The following GPC5 variants were observed in gnomAD, a reference collection of about 807,000 sequenced individuals.
GPC5 encodes the protein glypican-5.
GPC5 carries 47 observed loss-of-function variants against 53.9 expected under a neutral mutation model. The ratio of observed to expected loss-of-function variants is 0.87; its 90% CI spans 0.69 to 1.11. The LOEUF is 1.11. Ranked by LOEUF, GPC5 falls within the 50% of genes most tolerant of loss-of-function variation. GPC5 has a pLI of 0.00. For synonymous variants in GPC5, 286 were observed against 263.3 expected (o/e 1.09, Z -0.84); for missense variants, 748 against 713.1 (o/e 1.05, Z -0.56).
intron 7 of GPC5, among the ~76,000 whole-genome samples, chr13:92,601,713 G>A (rs908835165): frequency 6.6e-5 from 10 of 151,978 alleles, no homozygotes; most frequent in Middle Eastern, 3.4e-3. Flanking sequence ...TTATATGAAT[G>A]TATTAATATG....
At chr13:92,392,861 A>G (rs571525538) in intron 7 of GPC5, among the ~76,000 whole-genome samples, 1 of 152,344 alleles carries the variant, frequency 6.6e-6, no homozygotes, top group African/African-American at 2.4e-5. Context: ...GCCATCTCAC[A>G]CCAGTCAGAA....
intron 7 of GPC5, among the ~76,000 whole-genome samples, chr13:92,168,897 G>T (rs965714777): frequency 1.6e-4 from 24 of 152,108 alleles, no homozygotes; most frequent in African/African-American, 5.1e-4. Flanking sequence ...GTTCATTGCA[G>T]CACTATTCAC....
chr13:91,543,924 T>C (rs1288034614), intron 2 of GPC5, among the ~76,000 whole-genome samples: 3 of 152,184 alleles, frequency 2.0e-5, no homozygotes, highest in African/African-American at 7.2e-5. Context: ...AATTATAAAA[T>C]ATAGCTAACA....
chr13:91,928,945 C>A (rs1242245712), intron 6 of GPC5, among the ~76,000 whole-genome samples: 2 of 152,092 alleles, frequency 1.3e-5, no homozygotes, highest in African/African-American at 4.8e-5. Flanking sequence ...CAATATTTCA[C>A]AGATTGTTTC....
chr13:92,720,548 G>C (rs1007263274), intron 7 of GPC5, among the ~76,000 whole-genome samples: 1 of 151,654 alleles, frequency 6.6e-6, no homozygotes, highest in Non-Finnish European at 1.5e-5. Context: ...TATAATCTCG[G>C]GATTTTGTTT....
intron 6 of GPC5, among the ~76,000 whole-genome samples, chr13:92,020,735 T>A (rs1281736921): frequency 6.6e-6 from 1 of 151,050 alleles, no homozygotes; most frequent in Non-Finnish European, 1.5e-5. Flanking sequence ...GAAGATTAAC[T>A]CCTTAACAAA....
intron 7 of GPC5, among the ~76,000 whole-genome samples, chr13:92,404,351 G>A (rs1875700689): frequency 6.6e-6 from 1 of 152,106 alleles, no homozygotes. Flanking sequence ...TAGAAACAGT[G>A]CCAAGCACAG....
chr13:91,729,562 G>T (rs1370036569), intron 4 of GPC5, among the ~76,000 whole-genome samples: 5 of 151,912 alleles, frequency 3.3e-5, no homozygotes, highest in Non-Finnish European at 7.4e-5. Flanking sequence ...TCTTTTTTGG[G>T]ATAGGACACC....
At chr13:91,581,803 CCACA>C (rs2032372067) in intron 2 of GPC5, among the ~76,000 whole-genome samples, 1 of 151,522 alleles carries the variant, frequency 6.6e-6, no homozygotes, top group Non-Finnish European at 1.5e-5. Context: ...ACACACACAC[CCACA>C]CACACAAACA....
At chr13:91,782,201 C>T (rs1594558436) in intron 5 of GPC5, among the ~76,000 whole-genome samples, 2 of 152,156 alleles carry the variant, frequency 1.3e-5, no homozygotes, top group African/African-American at 4.8e-5. Flanking sequence ...CCAGTGGCAG[C>T]AGCCATATAC....
chr13:92,023,967 G>A (rs1402996015), intron 6 of GPC5, among the ~76,000 whole-genome samples: 1 of 152,034 alleles, frequency 6.6e-6, no homozygotes, highest in Non-Finnish European at 1.5e-5. Context: ...GACATCCTAT[G>A]AGGTGACATT....
At chr13:91,512,319 G>C (rs1278052626) in intron 2 of GPC5, among the ~76,000 whole-genome samples, 2 of 152,134 alleles carry the variant, frequency 1.3e-5, no homozygotes, top group Non-Finnish European at 2.9e-5. Context: ...CTGCACCTTT[G>C]GAGATCTCTT....
intron 2 of GPC5, among the ~76,000 whole-genome samples, chr13:91,529,834 G>A (rs1305992833): frequency 2.0e-5 from 3 of 151,772 alleles, no homozygotes; most frequent in Non-Finnish European, 4.4e-5. Context: ...ACTTTTTTTT[G>A]TTTTCTACTA....
chr13:92,011,277 A>G (rs2040659253), intron 6 of GPC5, among the ~76,000 whole-genome samples: 1 of 152,216 alleles, frequency 6.6e-6, no homozygotes, highest in Admixed American at 6.5e-5. Context: ...GTCCATAAGT[A>G]TAAATATATA....
At chr13:92,284,396 C>G (rs375855738) in intron 7 of GPC5, among the ~76,000 whole-genome samples, 1 of 152,166 alleles carries the variant, frequency 6.6e-6, no homozygotes, top group East Asian at 1.9e-4. Flanking sequence ...TTTATGAGGC[C>G]AGCATCATCC....
chr13:92,733,463 G>A (rs1412837066), intron 7 of GPC5, among the ~76,000 whole-genome samples: 1 of 151,714 alleles, frequency 6.6e-6, no homozygotes, highest in Non-Finnish European at 1.5e-5. Flanking sequence ...CCACGACTTG[G>A]CAAATGTTGT....
chr13:92,161,955 CCATATA>C (rs2041991288), intron 7 of GPC5, among the ~76,000 whole-genome samples: 1 of 25,518 alleles, frequency 3.9e-5, no homozygotes, highest in African/African-American at 1.6e-4. Context: ...TAATATATAG[CCATATA>C]TATATATATA....
At chr13:92,593,914 T>C (rs934225019) in intron 7 of GPC5, among the ~76,000 whole-genome samples, 1 of 152,130 alleles carries the variant, frequency 6.6e-6, no homozygotes, top group Admixed American at 6.5e-5. Flanking sequence ...TTAAATACAT[T>C]TATTTCCCCA....
intron 4 of GPC5, among the ~76,000 whole-genome samples, chr13:91,744,143 A>G (rs2036997196): frequency 6.6e-6 from 1 of 152,156 alleles, no homozygotes; most frequent in African/African-American, 2.4e-5. Flanking sequence ...CCTTATATAA[A>G]CAAACACATA....
Sources: gnomAD v4.1 joint callset for allele counts (sites outside exome capture counted in the v4.1 genomes callset) on GRCh38, gnomAD v4.1.1 for gene constraint, MANE v1.5 for transcripts, NCBI Gene and HGNC (gene_info 2026-07-23, HGNC 2026-07-21) for gene names.